The following MACROD2 variants were observed in gnomAD, a reference collection of about 807,000 sequenced individuals.
The protein encoded by MACROD2 is ADP-ribose glycohydrolase MACROD2.
Under a neutral mutation model 70.4 loss-of-function variants are expected in MACROD2, and 36 were observed. The ratio of observed to expected loss-of-function variants is 0.51; its 90% CI spans 0.39 to 0.68. The LOEUF is 0.68. MACROD2 is among the 30% of genes least tolerant of loss of function. MACROD2 has a pLI of 0.00. For synonymous variants in MACROD2, 172 were observed against 178.8 expected (o/e 0.96, Z 0.30); for missense variants, 496 against 538.4 (o/e 0.92, Z 0.78).
At chr20:15,239,975 G>A (rs983926737) in intron 6 of MACROD2, among the ~76,000 whole-genome samples, 3 of 152,170 alleles carry the variant, frequency 2.0e-5, no homozygotes, top group Non-Finnish European at 2.9e-5. Context: ...CAGAAAGACA[G>A]GGGCAAGTGG....
chr20:14,019,819 A>G (rs2053047674), intron 2 of MACROD2, among the ~76,000 whole-genome samples: 1 of 152,178 alleles, frequency 6.6e-6, no homozygotes, highest in Non-Finnish European at 1.5e-5. Context: ...TGTTACTTAT[A>G]GGAGTAATTG....
chr20:15,823,310 G>GTA (rs1189640598), intron 8 of MACROD2, among the ~76,000 whole-genome samples: 1,664 of 149,380 alleles, frequency 0.011, 18 homozygotes, highest in East Asian at 0.072. Context: ...GTGTGTGTGT[G>GTA]TGTGTGTGTG....
intron 3 of MACROD2, among the ~76,000 whole-genome samples, chr20:14,132,832 G>A (rs1569172744): frequency 6.6e-6 from 1 of 152,042 alleles, no homozygotes; most frequent in Non-Finnish European, 1.5e-5. Flanking sequence ...TTGTAGAGTT[G>A]GGGTTGCTTT....
intron 5 of MACROD2, among the ~76,000 whole-genome samples, chr20:14,688,567 G>A (rs748178487): frequency 2.7e-5 from 4 of 149,056 alleles, no homozygotes; most frequent in Non-Finnish European, 5.9e-5. Flanking sequence ...TTTCATTGAA[G>A]GCTATTGCTA....
intron 8 of MACROD2, among the ~76,000 whole-genome samples, chr20:15,649,100 CCCCTCCCCTT>C (rs2049600715): frequency 2.3e-5 from 2 of 88,230 alleles, no homozygotes; most frequent in East Asian, 4.7e-4. Flanking sequence ...TCCCTCCCCT[CCCCTCCCCTT>C]CCCTCCCCTC....
intron 4 of MACROD2, among the ~76,000 whole-genome samples, chr20:14,553,372 T>C (rs1332470922): frequency 1.3e-5 from 2 of 150,390 alleles, no homozygotes; most frequent in Non-Finnish European, 3.0e-5. Flanking sequence ...CTGGAATACC[T>C]CCTAAAGGAC....
chr20:14,736,579 TG>T (rs1164514740), intron 5 of MACROD2, among the ~76,000 whole-genome samples: 1 of 152,170 alleles, frequency 6.6e-6, no homozygotes, highest in Non-Finnish European at 1.5e-5. Context: ...ACAACAACAG[TG>T]ATATCATTAA....
At chr20:14,438,507 G>GT (rs2084084501) in intron 3 of MACROD2, among the ~76,000 whole-genome samples, 1 of 152,158 alleles carries the variant, frequency 6.6e-6, no homozygotes, top group South Asian at 2.1e-4. Context: ...CATAATGGCT[G>GT]TAGCAATTTA....
intron 4 of MACROD2, among the ~76,000 whole-genome samples, chr20:14,595,721 T>A (rs1568689607): frequency 1.3e-5 from 2 of 152,206 alleles, no homozygotes; most frequent in Non-Finnish European, 2.9e-5. Context: ...TGAAGGTTCT[T>A]ACTACACATT....
At chr20:15,671,951 C>G (rs1416288521) in intron 8 of MACROD2, among the ~76,000 whole-genome samples, 1 of 152,150 alleles carries the variant, frequency 6.6e-6, no homozygotes, top group African/African-American at 2.4e-5. Context: ...AGAGGGAGCA[C>G]AACAATATTT....
chr20:15,765,567 T>G (rs1170335957), intron 8 of MACROD2, among the ~76,000 whole-genome samples: 1 of 152,212 alleles, frequency 6.6e-6, no homozygotes, highest in Non-Finnish European at 1.5e-5. Context: ...GAAAGAATAT[T>G]TTTATTTTTC....
intron 3 of MACROD2, among the ~76,000 whole-genome samples, chr20:14,329,728 AC>A (rs1374230588): frequency 2.6e-5 from 4 of 151,910 alleles, no homozygotes; most frequent in Non-Finnish European, 4.4e-5. Flanking sequence ...TGCCAAGGTA[AC>A]TTTTTAGGCA....
At chr20:14,603,905 A>G (rs1331258924) in intron 4 of MACROD2, among the ~76,000 whole-genome samples, 1 of 152,108 alleles carries the variant, frequency 6.6e-6, no homozygotes, top group African/African-American at 2.4e-5. Context: ...TTAGTTCAGT[A>G]AGATCTAATC....
chr20:14,408,185 G>A (rs2083711868), intron 3 of MACROD2, among the ~76,000 whole-genome samples: 1 of 152,222 alleles, frequency 6.6e-6, no homozygotes, highest in Middle Eastern at 3.4e-3. Context: ...ATCATATTAA[G>A]ATTTCAGTAT....
intron 8 of MACROD2, among the ~76,000 whole-genome samples, chr20:15,535,777 A>G (rs903132996): frequency 6.6e-6 from 1 of 152,220 alleles, no homozygotes; most frequent in African/African-American, 2.4e-5. Context: ...GTGTTCATCT[A>G]AGCATTCCAA....
At chr20:15,533,571 C>T (rs1441094609) in intron 8 of MACROD2, among the ~76,000 whole-genome samples, 2 of 132,010 alleles carry the variant, frequency 1.5e-5, no homozygotes, top group Non-Finnish European at 3.3e-5. Context: ...CTCTCTCTCT[C>T]TCTCTCTCTC....
intron 8 of MACROD2, among the ~76,000 whole-genome samples, chr20:15,706,738 C>A (rs2050538205): frequency 6.6e-6 from 1 of 152,094 alleles, no homozygotes; most frequent in Admixed American, 6.5e-5. Flanking sequence ...TTTAACAATC[C>A]AGTCCTTCAT....
chr20:16,026,850 A>G (rs1797415159), intron 15 of MACROD2, among the ~76,000 whole-genome samples: 1 of 152,170 alleles, frequency 6.6e-6, no homozygotes, highest in African/African-American at 2.4e-5. Context: ...AACATCTCAC[A>G]GGTAGCTTTG....
At chr20:14,604,758 G>A (rs1256822003) in intron 4 of MACROD2, among the ~76,000 whole-genome samples, 1 of 152,144 alleles carries the variant, frequency 6.6e-6, no homozygotes, top group Non-Finnish European at 1.5e-5. Context: ...CTTCTTCCAG[G>A]AGGATCAGGG....
Sources: allele counts gnomAD v4.1 joint callset (sites outside exome capture counted in the v4.1 genomes callset), GRCh38; gene constraint gnomAD v4.1.1; transcripts MANE v1.5; gene names NCBI Gene and HGNC (gene_info 2026-07-23, HGNC 2026-07-21).